The following SGCZ variants were observed in gnomAD, a reference collection of about 807,000 sequenced individuals.
The protein encoded by SGCZ is zeta-sarcoglycan.
SGCZ carries 40 observed loss-of-function variants against 41.3 expected under a neutral mutation model. That is an observed-to-expected ratio of 0.97 (90% CI 0.75 to 1.26). The LOEUF is 1.26. Ranked by LOEUF, SGCZ falls within the 50% of genes most tolerant of loss-of-function variation. The pLI, the probability that SGCZ is intolerant of heterozygous loss-of-function variation, is 0.00. For synonymous variants in SGCZ, 206 were observed against 137.5 expected (o/e 1.50, Z -3.49); for missense variants, 552 against 369.8 (o/e 1.49, Z -4.04).
chr8:14,337,631 A>G (rs1402717022), intron 2 of SGCZ, among the ~76,000 whole-genome samples: 1 of 152,126 alleles, frequency 6.6e-6, no homozygotes, highest in East Asian at 1.9e-4. Context: ...AGGAAAGTAG[A>G]TATAGTGGAA....
At chr8:14,200,628 T>C (rs1805423959) in intron 4 of SGCZ, among the ~76,000 whole-genome samples, 1 of 152,142 alleles carries the variant, frequency 6.6e-6, no homozygotes, top group South Asian at 2.1e-4. Flanking sequence ...TGTTTTGTTT[T>C]GTTTTTCCAA....
At chr8:14,136,201 G>C (rs1461623923) in intron 5 of SGCZ, among the ~76,000 whole-genome samples, 1 of 151,986 alleles carries the variant, frequency 6.6e-6, no homozygotes, top group Non-Finnish European at 1.5e-5. Context: ...GGCCGAAAAG[G>C]AAAAACTCCA....
intron 3 of SGCZ, among the ~76,000 whole-genome samples, chr8:14,276,538 C>CT (rs1046855215): frequency 4.4e-4 from 67 of 152,232 alleles, no homozygotes; most frequent in African/African-American, 1.5e-3. Context: ...AATTCTACAT[C>CT]TTTTTTATCA....
At chr8:14,949,487 T>C (rs1228315389) in intron 1 of SGCZ, among the ~76,000 whole-genome samples, 1 of 152,138 alleles carries the variant, frequency 6.6e-6, no homozygotes, top group Non-Finnish European at 1.5e-5. Context: ...CTGATTTGTC[T>C]AGAGCATGAA....
At chr8:14,745,602 G>A (rs1191375865) in intron 1 of SGCZ, among the ~76,000 whole-genome samples, 1 of 151,866 alleles carries the variant, frequency 6.6e-6, no homozygotes, top group African/African-American at 2.4e-5. Context: ...AATATATGTA[G>A]ACATATGTGT....
At chr8:14,539,954 T>A (rs968829558) in intron 2 of SGCZ, among the ~76,000 whole-genome samples, 1 of 151,874 alleles carries the variant, frequency 6.6e-6, no homozygotes, top group Non-Finnish European at 1.5e-5. Context: ...AGGAAGAACA[T>A]GTACAGTGAA....
chr8:14,541,717 A>C (rs1803474784), intron 2 of SGCZ, among the ~76,000 whole-genome samples: 1 of 152,160 alleles, frequency 6.6e-6, no homozygotes, highest in Admixed American at 6.6e-5. Flanking sequence ...ACTGTCTTCC[A>C]CAATGGTTGA....
rs894557384 is a variant in SGCZ, at chr8:15,139,510, A to G, written c.39+98075T>C. On this transcript the variant is annotated intron_variant, in intron 1 of 7. Coordinates refer to ENST00000382080, the MANE Select transcript of SGCZ (RefSeq NM_139167.4). ...GCAATTGCATTTTTTGGAAATAAATATTATTGTGTATATTTAAGGTGACAT... is the reference window on the plus strand; with the variant it reads ...GCAATTGCATTTTTTGGAAATAAATGTTATTGTGTATATTTAAGGTGACAT... Among the ~76,000 whole-genome samples the G allele has an allele frequency of 1.2e-4, 19 of 152,288 alleles. No homozygotes were observed. In the East Asian group the frequency reaches 1.4e-3, roughly 11 times the overall value.
At chr8:14,325,936 C>T (rs1368856220) in intron 2 of SGCZ, among the ~76,000 whole-genome samples, 1 of 147,036 alleles carries the variant, frequency 6.8e-6, no homozygotes, top group East Asian at 2.0e-4. Flanking sequence ...CACGGTGAAA[C>T]CCTGTCTCTA....
At chr8:14,817,272 T>C (rs1003138837) in intron 1 of SGCZ, among the ~76,000 whole-genome samples, 1 of 152,066 alleles carries the variant, frequency 6.6e-6, no homozygotes, top group African/African-American at 2.4e-5. Context: ...CAGCTCAGCA[T>C]CATGGAGGAT....
At chr8:14,189,036 T>C (rs1426775488) in intron 4 of SGCZ, among the ~76,000 whole-genome samples, 13 of 130,970 alleles carry the variant, frequency 9.9e-5, no homozygotes, top group Non-Finnish European at 1.7e-4. Flanking sequence ...TTTTTGTATT[T>C]TTAGTAGAGA....
chr8:14,273,965 G>A (rs944386177), intron 3 of SGCZ, among the ~76,000 whole-genome samples: 1 of 152,022 alleles, frequency 6.6e-6, no homozygotes, highest in African/African-American at 2.4e-5. Flanking sequence ...TTTCCAAAAA[G>A]CAAACATTCA....
At chr8:14,982,552 C>A (rs1801702547) in intron 1 of SGCZ, among the ~76,000 whole-genome samples, 1 of 152,152 alleles carries the variant, frequency 6.6e-6, no homozygotes, top group Non-Finnish European at 1.5e-5. Context: ...GCAAATTATT[C>A]ACTGTCTTCT....
At chr8:14,478,662 AAG>A (rs758489615) in intron 2 of SGCZ, among the ~76,000 whole-genome samples, 7 of 151,802 alleles carry the variant, frequency 4.6e-5, no homozygotes, top group Non-Finnish European at 8.8e-5. Context: ...TAGAGTAACT[AAG>A]AGGGAATCTG....
chr8:14,446,744 G>T (rs1328968048), intron 2 of SGCZ, among the ~76,000 whole-genome samples: 2 of 152,116 alleles, frequency 1.3e-5, no homozygotes, highest in East Asian at 1.9e-4. Context: ...GATTCAGACT[G>T]TAATTGAGTC....
At chr8:15,059,851 T>C (rs985857857) in intron 1 of SGCZ, among the ~76,000 whole-genome samples, 1 of 152,192 alleles carries the variant, frequency 6.6e-6, no homozygotes, top group East Asian at 1.9e-4. Context: ...GGTCTTTTCA[T>C]CCTTTGTCTC....
At chr8:14,573,223 A>C (rs911191662) in intron 1 of SGCZ, among the ~76,000 whole-genome samples, 2 of 103,720 alleles carry the variant, frequency 1.9e-5, no homozygotes, top group African/African-American at 7.7e-5. Context: ...TTTGAGACGG[A>C]GTCTCGCTCT....
At chr8:14,491,280 C>CA (rs1801835072) in intron 2 of SGCZ, among the ~76,000 whole-genome samples, 1 of 149,490 alleles carries the variant, frequency 6.7e-6, no homozygotes, top group African/African-American at 2.5e-5. Context: ...CACCCACCCA[C>CA]CCACACACAC....
chr8:14,887,541 T>G (rs752917119), intron 1 of SGCZ, among the ~76,000 whole-genome samples: 2 of 152,132 alleles, frequency 1.3e-5, no homozygotes, highest in African/African-American at 2.4e-5. Context: ...CCATCAAAAA[T>G]AGCAAAACCT....
Sources: gnomAD v4.1 joint callset for allele counts (sites outside exome capture counted in the v4.1 genomes callset) on GRCh38, gnomAD v4.1.1 for gene constraint, MANE v1.5 for transcripts, NCBI Gene and HGNC (gene_info 2026-07-23, HGNC 2026-07-21) for gene names.